The following MAGI2 variants were observed in gnomAD, a reference collection of about 807,000 sequenced individuals.
The protein encoded by MAGI2 is membrane associated guanylate kinase, WW and PDZ domain containing 2.
MAGI2 carries 35 observed loss-of-function variants against 133.3 expected under a neutral mutation model. That is an observed-to-expected ratio of 0.26 (90% CI 0.20 to 0.35). The LOEUF is 0.35. MAGI2 is among the 10% of genes least tolerant of loss of function. The pLI is 1.00. For synonymous variants in MAGI2, 729 were observed against 710.6 expected (o/e 1.03, Z -0.41); for missense variants, 1,636 against 1,863.4 (o/e 0.88, Z 2.25).
chr7:78,820,009 T>C (rs940471632), intron 2 of MAGI2, among the ~76,000 whole-genome samples: 2 of 151,972 alleles, frequency 1.3e-5, no homozygotes, highest in Non-Finnish European at 2.9e-5. Context: ...TAAGTCCATG[T>C]ATGTGGGCAG....
chr7:78,045,108 A>C (rs1811287996), intron 21 of MAGI2, among the ~76,000 whole-genome samples: 1 of 152,192 alleles, frequency 6.6e-6, no homozygotes, highest in Non-Finnish European at 1.5e-5. Flanking sequence ...CAGAGGTTGC[A>C]GTGAGCCGAG....
At chr7:79,347,966 A>C (rs1380779089) in intron 1 of MAGI2, among the ~76,000 whole-genome samples, 2 of 151,930 alleles carry the variant, frequency 1.3e-5, no homozygotes, top group Admixed American at 1.3e-4. Context: ...AATTATCCTT[A>C]GAAATTATCA....
At chr7:78,408,882 C>G (rs984588824) in intron 6 of MAGI2, among the ~76,000 whole-genome samples, 2 of 152,046 alleles carry the variant, frequency 1.3e-5, no homozygotes, top group Admixed American at 1.3e-4. Flanking sequence ...TTTGAAATTA[C>G]ATACATAGTT....
intron 1 of MAGI2, among the ~76,000 whole-genome samples, chr7:79,152,956 T>C (rs1290226731): frequency 1.3e-5 from 2 of 152,216 alleles, no homozygotes; most frequent in African/African-American, 2.4e-5. Context: ...AATTATATTA[T>C]GAACTTCTTT....
chr7:78,950,005 G>T (rs148778828), intron 2 of MAGI2, among the ~76,000 whole-genome samples: 212 of 152,234 alleles, frequency 1.4e-3, no homozygotes, highest in African/African-American at 5.0e-3. Flanking sequence ...CAACAGTCCT[G>T]CCAAACTTTC....
chr7:78,585,658 G>T (rs1803324029), intron 3 of MAGI2, among the ~76,000 whole-genome samples: 1 of 152,210 alleles, frequency 6.6e-6, no homozygotes, highest in South Asian at 2.1e-4. Context: ...CAATGGCAGT[G>T]ATAACAAGAG....
At chr7:79,409,668 A>G (rs937110692) in intron 1 of MAGI2, among the ~76,000 whole-genome samples, 1 of 152,106 alleles carries the variant, frequency 6.6e-6, no homozygotes, top group Non-Finnish European at 1.5e-5. Flanking sequence ...TCCTAAGGCA[A>G]GTGGCAAAAA....
chr7:78,497,722 TTCTATCTATCTA>T (rs71517019), intron 5 of MAGI2, among the ~76,000 whole-genome samples: 11,910 of 97,220 alleles, frequency 0.12, 731 homozygotes, highest in Non-Finnish European at 0.15. Context: ...GAAATAACTA[TTCTATCTATCTA>T]TCTATCTATC....
chr7:78,758,789 T>A (rs1169121397), intron 2 of MAGI2, among the ~76,000 whole-genome samples: 3 of 152,226 alleles, frequency 2.0e-5, no homozygotes, highest in African/African-American at 7.2e-5. Context: ...CCTATTCTCT[T>A]CTACAATTGA....
At chr7:78,281,079 A>G (rs1055197113) in intron 9 of MAGI2, among the ~76,000 whole-genome samples, 1 of 151,962 alleles carries the variant, frequency 6.6e-6, no homozygotes, top group Non-Finnish European at 1.5e-5. Flanking sequence ...TTTCTAATCT[A>G]AGCTCAACTC....
At chr7:78,994,997 G>A (rs1216223266) in intron 2 of MAGI2, among the ~76,000 whole-genome samples, 1 of 151,996 alleles carries the variant, frequency 6.6e-6, no homozygotes, top group Admixed American at 6.6e-5. Flanking sequence ...TGAAATGCAG[G>A]TAGAAAGTCT....
At chr7:79,220,445 C>T (rs1199327200) in intron 1 of MAGI2, among the ~76,000 whole-genome samples, 1 of 151,936 alleles carries the variant, frequency 6.6e-6, no homozygotes, top group Non-Finnish European at 1.5e-5. Context: ...TTACATAAGT[C>T]TTTAATGACC....
chr7:78,432,955 G>A (rs2151435956), intron 6 of MAGI2, among the ~76,000 whole-genome samples: 1 of 152,054 alleles, frequency 6.6e-6, no homozygotes, highest in African/African-American at 2.4e-5. Context: ...ACTTTAATAT[G>A]TCCCCTAAGA....
intron 6 of MAGI2, among the ~76,000 whole-genome samples, chr7:78,403,751 T>C (rs1286888248): frequency 6.6e-6 from 1 of 152,152 alleles, no homozygotes; most frequent in Non-Finnish European, 1.5e-5. Flanking sequence ...TGATGGCCAG[T>C]GATGATGAGC....
chr7:78,882,542 C>G (rs1017027327), intron 2 of MAGI2, among the ~76,000 whole-genome samples: 3 of 152,008 alleles, frequency 2.0e-5, no homozygotes, highest in Non-Finnish European at 4.4e-5. Flanking sequence ...ATACCAAAAG[C>G]TGGCAAAGAC....
At chr7:78,862,630 T>C (rs1187191518) in intron 2 of MAGI2, among the ~76,000 whole-genome samples, 14 of 152,242 alleles carry the variant, frequency 9.2e-5, no homozygotes, top group Non-Finnish European at 1.5e-4. Flanking sequence ...TAACCACTCA[T>C]GTTCTCTCAA....
chr7:78,259,025 C>T (rs990512375), intron 9 of MAGI2, among the ~76,000 whole-genome samples: 6 of 152,164 alleles, frequency 3.9e-5, no homozygotes, highest in Admixed American at 1.3e-4. Flanking sequence ...TGCTTTACAT[C>T]TGACACAGTA....
chr7:79,338,284 G>T (rs1840638536), intron 1 of MAGI2, among the ~76,000 whole-genome samples: 1 of 152,078 alleles, frequency 6.6e-6, no homozygotes, highest in Admixed American at 6.6e-5. Flanking sequence ...CTAGATTAGT[G>T]TGTGGTTTAG....
intron 4 of MAGI2, among the ~76,000 whole-genome samples, chr7:78,509,087 A>G (rs562255512): frequency 1.3e-5 from 2 of 152,062 alleles, no homozygotes; most frequent in East Asian, 3.9e-4. Flanking sequence ...TGCATTCCCC[A>G]TTGCGTTTCT....
Sources: allele counts gnomAD v4.1 joint callset (sites outside exome capture counted in the v4.1 genomes callset), GRCh38; gene constraint gnomAD v4.1.1; transcripts MANE v1.5; gene names NCBI Gene and HGNC (gene_info 2026-07-23, HGNC 2026-07-21).